Variants in MTF1 observed in about 807,000 individuals in gnomAD.
MTF1 encodes metal regulatory transcription factor 1.
A neutral mutation model predicts 70.4 loss-of-function variants in MTF1; 22 were observed. That is an observed-to-expected ratio of 0.31 (90% CI 0.22 to 0.45). The LOEUF is 0.45. Among genes scored for constraint, MTF1 ranks in the 20% least tolerant of loss-of-function variants. MTF1 has a pLI of 1.00. For synonymous variants in MTF1, 333 were observed against 352.8 expected, an observed-to-expected ratio of 0.94 and a Z score of 0.63; for missense variants, 649 against 922.0, an observed-to-expected ratio of 0.70 and a Z score of 3.83.
Position 37,815,333 on chromosome 1 carries a change from A to G in MTF1, c.2065T>C (p.Ser689Pro). The G allele has an allele frequency of 3.1e-6, 5 of 1,614,116 alleles. No homozygotes were observed. Among genetic ancestry groups the G allele is most frequent in the Non-Finnish European group, 4.2e-6 (5 of 1,180,030 alleles). Residue 689 changes from serine to proline, a missense_variant, in exon 11 of 11, where the codon TCT (serine) becomes CCT (proline). Physicochemically the swap from Ser to Pro is moderately conservative, Grantham distance 74 (BLOSUM62 -1). Coordinates refer to ENST00000373036, the MANE Select transcript of MTF1 (RefSeq NM_005955.3). This position sits in a 1 kb window ranked among gnomAD's most constrained non-coding sequence, Gnocchi z 4.5. ...TGCTCACAGGAGGAGGGCAAGGTAG[A>G]GGATGATGACCCGGGAACAGGGGCT... ...SSAPVPGSSS[S>P]TLPSSCEQSR...
At chr1:37,833,696 GAGTAAGGGC>G (rs1238740614) in intron 6 of MTF1, among the ~76,000 whole-genome samples, 4 of 152,298 alleles carry the variant, frequency 2.6e-5, no homozygotes, top group African/African-American at 9.6e-5. Context: ...GTGTTATGGA[GAGTAAGGGC>G]AGTAGGGAAC....
In MTF1 at chr1:37,814,930, GTTTT is replaced by G. The variant is rs572286933; in HGVS notation, c.*202_*205del. ...CACTTATAACTTAGCTTTTTTTGTTGTTTTTTTTGTTTTTTGTTTTTTTCCAAAG... is the reference window on the plus strand; with the variant it reads ...CACTTATAACTTAGCTTTTTTTGTTGTTTTGTTTTTTGTTTTTTTCCAAAG... On this transcript the variant is annotated 3_prime_UTR_variant, in exon 11 of 11. Coordinates refer to ENST00000373036, the MANE Select transcript of MTF1 (RefSeq NM_005955.3). The G allele has an allele frequency of 1.6e-5, 9 of 553,806 alleles. No homozygotes were observed. The highest frequency in any genetic ancestry group is 5.7e-5 in the African/African-American group (3 of 52,926). The allele number at this position is 553,806 out of a possible 1,614,324, so 34.3% of individuals were successfully genotyped here. A position where few individuals can be genotyped will look rare whatever the true frequency, so the allele number is the denominator to read the frequency against.
rs1305366454 is a variant in MTF1, at chr1:37,822,211, A to G, written c.1677T>C (p.Ala559=). 5.6e-6 allele frequency: 9 copies of G among 1,614,162 alleles called. No homozygotes were observed. The highest frequency in any genetic ancestry group is 7.6e-6 in the Non-Finnish European group (9 of 1,180,020). Residue 559 remains alanine, a synonymous_variant, in exon 9 of 11, where the codon GCT becomes GCC. Coordinates refer to ENST00000373036, the MANE Select transcript of MTF1 (RefSeq NM_005955.3). ...TITITPTPNT[A]ILQSSLVMGE... ...CCATGACTAGGCTGGACTGCAGGAT[A>G]GCTGTGTTGGGAGTTGGGGTGATGG... is the stretch of plus-strand genomic sequence containing the variant.
intron 2 of MTF1, among the ~76,000 whole-genome samples, chr1:37,851,211 C>G (rs1641414433): frequency 6.6e-6 from 1 of 152,188 alleles, no homozygotes. Context: ...CAACCCCAAA[C>G]CTACTGATTT....
intron 2 of MTF1, among the ~76,000 whole-genome samples, chr1:37,845,860 G>A (rs369365539): frequency 1.1e-4 from 16 of 152,192 alleles, no homozygotes; most frequent in South Asian, 4.1e-4. Context: ...AAGCAAATGC[G>A]TGCTCCCCCC....
chr1:37,847,726 A>T (rs923080966), intron 2 of MTF1, among the ~76,000 whole-genome samples: 3 of 152,208 alleles, frequency 2.0e-5, no homozygotes, highest in African/African-American at 7.2e-5. Flanking sequence ...GAGGTGGCTC[A>T]TGCCTGTAAG....
chr1:37,809,596 A>T lies in MTF1; in HGVS notation c.*5540T>A, dbSNP rs1403696748. On this transcript the variant is annotated 3_prime_UTR_variant, in exon 11 of 11. Coordinates refer to ENST00000373036, the MANE Select transcript of MTF1 (RefSeq NM_005955.3). ...AGATTTAAATAAGCATTTAATTAGG[A>T]TTTCATTAGTATTTAATATTGCTTT... 6.4e-6 allele frequency: 1 copy of T among 155,562 alleles called. No individual in the cohort carries two copies. Among genetic ancestry groups the T allele is most frequent in the Non-Finnish European group, 1.4e-5 (1 of 69,796 alleles). The allele number at this position is 155,562 out of a possible 1,614,324, so 9.6% of individuals were successfully genotyped here. A position where few individuals can be genotyped will look rare whatever the true frequency, so the allele number is the denominator to read the frequency against.
intron 6 of MTF1, among the ~76,000 whole-genome samples, chr1:37,834,161 A>G (rs1641128882): frequency 6.6e-6 from 1 of 152,174 alleles, no homozygotes; most frequent in Non-Finnish European, 1.5e-5. Flanking sequence ...CACAGTGAGC[A>G]GAGATTGCAC....
Position 37,849,286 on chromosome 1 carries a change from C to A in MTF1, c.408+7965G>T, listed in dbSNP as rs115807396. 4.0e-3 allele frequency among the ~76,000 whole-genome samples: 604 copies of A among 152,146 alleles called. 2 individuals are homozygous for A. Among genetic ancestry groups the A allele is most frequent in the African/African-American group, 0.014 (592 of 41,528 alleles). On this transcript the variant is annotated intron_variant, in intron 2 of 10. Coordinates refer to ENST00000373036, the MANE Select transcript of MTF1 (RefSeq NM_005955.3). ...ACTAAAAATACAAAATTTAGCCAGG[C>A]CTAGTGGCACATGCCTGTAATCCTG...
At chr1:37,843,217 T>A (rs1641281941) in intron 2 of MTF1, among the ~76,000 whole-genome samples, 1 of 152,026 alleles carries the variant, frequency 6.6e-6, no homozygotes, top group South Asian at 2.1e-4. Context: ...CCCAGGTTGG[T>A]CTGGAACTCC....
rs1359023089 is a variant in MTF1, at chr1:37,835,111, A to G, written c.958T>C (p.Tyr320His). Reference protein sequence around the residue: ...MKGHDNKGHSYNALPQHNGSE... With the variant: ...MKGHDNKGHSHNALPQHNGSE... ...CCATTGTGTTGTGGAAGTGCATTGT[A>G]TGAGTGTCCTTTGTTATCATGACCT... The change falls in exon 6 of 11, where the codon TAC becomes CAC. Residue 320 changes from tyrosine to histidine, a missense_variant. Coordinates refer to ENST00000373036, the MANE Select transcript of MTF1 (RefSeq NM_005955.3). 1.9e-6 allele frequency: 3 copies of G among 1,614,182 alleles called. No individual in the cohort carries two copies. Among genetic ancestry groups the G allele is most frequent in the Non-Finnish European group, 2.5e-6 (3 of 1,179,998 alleles).
At chr1:37,831,731 C>A (rs1641090455) in intron 7 of MTF1, among the ~76,000 whole-genome samples, 1 of 151,910 alleles carries the variant, frequency 6.6e-6, no homozygotes, top group South Asian at 2.1e-4. Context: ...AAGAGGTTTT[C>A]TTCAAAAAGC....
At position 37,822,296 on chromosome 1, in the gene MTF1, G is replaced by T; in HGVS notation, c.1592C>A (p.Ala531Asp). Residue 531 changes from alanine to aspartate, a missense_variant, in exon 9 of 11, where the codon GCC (alanine) becomes GAC (aspartate). Ala to Asp is a moderately radical substitution (Grantham distance 126, BLOSUM62 -2). Around this residue, in one of 7 missense-constraint regions of MTF1, gnomAD observed 267 missense variants for 292.1 expected, o/e 0.91. Transcript: ENST00000373036. ...ACCCAGGGGCAGAGTCTGGACCATG[G>T]CTGGCAGGGGCTCAGTAGTACTTTG... ...PPQSTTEPLP[A>D]MVQTLPLGAN... is the part of the protein sequence containing the mutation. The T allele has an allele frequency of 6.2e-7, 1 of 1,614,092 alleles. No individual in the cohort carries two copies. The highest frequency in any genetic ancestry group is 8.5e-7 in the Non-Finnish European group (1 of 1,179,992).
intron 7 of MTF1, among the ~76,000 whole-genome samples, chr1:37,824,553 C>T (rs560748365): frequency 6.6e-6 from 1 of 152,218 alleles, no homozygotes; most frequent in South Asian, 2.1e-4. Flanking sequence ...CAAAAATTAG[C>T]TGGGCATGGT....
In MTF1 at chr1:37,810,746, A is replaced by C. The variant is rs558538501; in HGVS notation, c.*4390T>G. Reference sequence around the variant, plus strand: ...CTGAAGTATATTCTAAAACTTGTCTATTCTATAGCCTGAGAATTGAAGATA... The same window carrying C: ...CTGAAGTATATTCTAAAACTTGTCTCTTCTATAGCCTGAGAATTGAAGATA... On this transcript the variant is annotated 3_prime_UTR_variant, in exon 11 of 11. Transcript: ENST00000373036. The C allele has an allele frequency of 2.0e-5, 3 of 152,254 alleles. No homozygotes were observed. In the East Asian group the frequency reaches 5.8e-4, roughly 29 times the overall value. 9.4% of individuals were successfully genotyped at this position (152,254 alleles called of 1,614,324 possible). A position where few individuals can be genotyped will look rare whatever the true frequency, so the allele number is the denominator to read the frequency against.
At chr1:37,817,373 G>A (rs774059869) in intron 10 of MTF1, 46 bp downstream of exon 10, 5 of 1,170,476 alleles carry the variant, frequency 4.3e-6, no homozygotes, top group Non-Finnish European at 6.4e-6. Flanking sequence ...TGCCTCAAGG[G>A]ACCCACAGAG....
chr1:37,837,614 T>C (rs1641189517), intron 4 of MTF1, among the ~76,000 whole-genome samples: 1 of 152,114 alleles, frequency 6.6e-6, no homozygotes, highest in South Asian at 2.1e-4. Flanking sequence ...CCAGCAATTC[T>C]CCTGCCTCAG....
chr1:37,851,241 A>G (rs938556877), intron 2 of MTF1, among the ~76,000 whole-genome samples: 1 of 152,230 alleles, frequency 6.6e-6, no homozygotes, highest in East Asian at 1.9e-4. Flanking sequence ...AGCATCTTCC[A>G]CAAAGGTCTC....
chr1:37,852,643 T>C (rs1434974276), intron 2 of MTF1, among the ~76,000 whole-genome samples: 2 of 151,878 alleles, frequency 1.3e-5, no homozygotes, highest in Non-Finnish European at 2.9e-5. Context: ...ACCTTTTTTT[T>C]TTTTCCAACC....
Sources: allele counts gnomAD v4.1 joint callset (sites outside exome capture counted in the v4.1 genomes callset), GRCh38; gene constraint gnomAD v4.1.1; regional missense constraint gnomAD v4.1.1; non-coding constraint Gnocchi (gnomAD v3.1); transcripts MANE v1.5; gene names NCBI Gene and HGNC (gene_info 2026-07-23, HGNC 2026-07-21).